SEL1L3: variants seen among roughly 807,000 people sequenced by gnomAD.
SEL1L3 encodes protein sel-1 homolog 3.
Under a neutral mutation model 142.8 loss-of-function variants are expected in SEL1L3, and 76 were observed. The ratio of observed to expected loss-of-function variants is 0.53; its 90% CI spans 0.44 to 0.64. SEL1L3 has a LOEUF of 0.64. SEL1L3 is among the 30% of genes least tolerant of loss of function. The pLI is 0.00. For synonymous variants in SEL1L3, 504 were observed against 519.6 expected (o/e 0.97, Z 0.41); for missense variants, 1,262 against 1,381.7 (o/e 0.91, Z 1.37).
intron 9 of SEL1L3, among the ~76,000 whole-genome samples, chr4:25,814,144 C>T (rs1032966834): frequency 2.0e-5 from 3 of 152,052 alleles, no homozygotes; most frequent in Non-Finnish European, 4.4e-5. Context: ...CCCATTTTCT[C>T]TTGCACCATG....
chr4:25,831,141 G>A (rs2109279588), intron 5 of SEL1L3, among the ~76,000 whole-genome samples: 1 of 152,218 alleles, frequency 6.6e-6, no homozygotes, highest in East Asian at 1.9e-4. Context: ...CCACCACTAA[G>A]TTTATCTCCT....
At chr4:25,751,562 A>G (rs1717589893) in intron 23 of SEL1L3, among the ~76,000 whole-genome samples, 1 of 152,004 alleles carries the variant, frequency 6.6e-6, no homozygotes, top group African/African-American at 2.4e-5. Flanking sequence ...AAGCAGCAAG[A>G]AAGACTGAGC....
intron 23 of SEL1L3, among the ~76,000 whole-genome samples, chr4:25,755,763 C>T (rs1487163864): frequency 6.6e-6 from 1 of 152,136 alleles, no homozygotes; most frequent in Non-Finnish European, 1.5e-5. Context: ...TTCATGGCTA[C>T]CAGCTGGCAT....
chr4:25,805,819 A>G (rs1029170774), intron 9 of SEL1L3, among the ~76,000 whole-genome samples: 2 of 152,248 alleles, frequency 1.3e-5, no homozygotes, highest in Non-Finnish European at 2.9e-5. Flanking sequence ...TACTATTTAC[A>G]TTTAACTTAA....
chr4:25,724,501 G>C, the SEL1L3 span, among the ~76,000 whole-genome samples: 32 of 151,846 alleles, frequency 2.1e-4, no homozygotes, highest in Non-Finnish European at 3.4e-4. Flanking sequence ...CAGCACTTTG[G>C]GAGGCCGAGG....
intron 19 of SEL1L3, among the ~76,000 whole-genome samples, chr4:25,766,627 C>T (rs1400212083): frequency 6.6e-6 from 1 of 152,064 alleles, no homozygotes; most frequent in East Asian, 1.9e-4. Context: ...TACTATCATC[C>T]CCAGGACTTG....
intron 11 of SEL1L3, among the ~76,000 whole-genome samples, chr4:25,794,494 G>T (rs189713571): frequency 6.6e-6 from 1 of 152,330 alleles, no homozygotes; most frequent in Admixed American, 6.5e-5. Context: ...TCTCATGCCA[G>T]GTAGATAGTG....
chr4:25,861,113 C>A (rs1028884682), intron 1 of SEL1L3, among the ~76,000 whole-genome samples: 1 of 152,182 alleles, frequency 6.6e-6, no homozygotes, highest in African/African-American at 2.4e-5. Context: ...ATGTTTCACG[C>A]AACACTCTAC....
At chr4:25,803,201 G>A (rs967562508) in intron 10 of SEL1L3, among the ~76,000 whole-genome samples, 3 of 152,218 alleles carry the variant, frequency 2.0e-5, no homozygotes, top group Non-Finnish European at 4.4e-5. Context: ...CTCACAGTTG[G>A]GAAAAGAGAG....
chr4:25,769,043 C>T (rs557640142), intron 17 of SEL1L3, among the ~76,000 whole-genome samples: 4 of 151,988 alleles, frequency 2.6e-5, no homozygotes, highest in African/African-American at 7.2e-5. Context: ...TATACGTTAC[C>T]TAGCTTAAGA....
In SEL1L3 at chr4:25,748,064, C is replaced by T. The variant is rs751337664; in HGVS notation, c.*361G>A. On this transcript the variant is annotated 3_prime_UTR_variant, in exon 24 of 24. Coordinates refer to ENST00000399878, the MANE Select transcript of SEL1L3 (RefSeq NM_015187.5). ...TGTTCTTCAATAAAGGGATGAAGCACGCACTGTGATTCTTAAGACACATCT... is the reference window on the plus strand; with the variant it reads ...TGTTCTTCAATAAAGGGATGAAGCATGCACTGTGATTCTTAAGACACATCT... 2.6e-5 allele frequency: 5 copies of T among 195,246 alleles called. No homozygotes were observed. Among genetic ancestry groups the T allele is most frequent in the Non-Finnish European group, 4.2e-5 (4 of 95,396 alleles). The allele number at this position is 195,246 out of a possible 1,614,324, so 12.1% of individuals were successfully genotyped here. A position where few individuals can be genotyped will look rare whatever the true frequency, so the allele number is the denominator to read the frequency against.
intron 11 of SEL1L3, among the ~76,000 whole-genome samples, chr4:25,797,398 G>T (rs146272876): frequency 6.6e-6 from 1 of 152,164 alleles, no homozygotes; most frequent in Non-Finnish European, 1.5e-5. Context: ...GCCTCTTAGC[G>T]TGTTTAAAAT....
At chr4:25,830,021 G>A in intron 6 of SEL1L3, 77 bp downstream of exon 6, 3 of 881,676 alleles carry the variant, frequency 3.4e-6, no homozygotes, top group Non-Finnish European at 5.6e-6. Flanking sequence ...AATAACATTA[G>A]GGCTGAGGGC....
At chr4:25,820,004 A>T in intron 7 of SEL1L3, 64 bp from the exon 8 acceptor site, 3 of 1,489,198 alleles carry the variant, frequency 2.0e-6, no homozygotes, top group Non-Finnish European at 9.2e-7. Context: ...CACCTCTAGG[A>T]GGATGTGTTT....
chr4:25,756,544 C>T (rs1303210441), intron 23 of SEL1L3: 42 of 959,492 alleles, frequency 4.4e-5, no homozygotes, highest in Non-Finnish European at 5.2e-5. Flanking sequence ...CTCATAACCT[C>T]ATTGTATTGA....
At chr4:25,724,420 C>CAAAGA in the SEL1L3 span, among the ~76,000 whole-genome samples, 1 of 149,336 alleles carries the variant, frequency 6.7e-6, no homozygotes, top group African/African-American at 2.5e-5. Context: ...GACCCTGTCT[C>CAAAGA]AAAGAAAAGA....
intron 23 of SEL1L3, among the ~76,000 whole-genome samples, chr4:25,753,049 C>T (rs866417629): frequency 6.6e-6 from 1 of 152,232 alleles, no homozygotes; most frequent in African/African-American, 2.4e-5. Context: ...TTCCTTTGCC[C>T]AAGGTCACAT....
chr4:25,818,217 T>A lies in SEL1L3; in HGVS notation c.1485A>T (p.Arg495Ser). ...TCAGCTCCTTCTCCCAGGGGAAGGCTCTGCACATCGAGGGTCTCCCATACC... is the reference window on the plus strand; with the variant it reads ...TCAGCTCCTTCTCCCAGGGGAAGGCACTGCACATCGAGGGTCTCCCATACC... ...QRRYGRPSMC[R>S]AFPWEKELKD... The change falls in exon 9 of 24, where the codon AGA (arginine) becomes AGT (serine). Residue 495 changes from arginine (R) to serine (S), a missense_variant. Physicochemically the swap from Arg to Ser is moderately radical, Grantham distance 110. Transcript: ENST00000399878. The A allele has an allele frequency of 3.1e-6, 5 of 1,604,816 alleles. No homozygotes were observed. The highest frequency in any genetic ancestry group is 4.3e-6 in the Non-Finnish European group (5 of 1,175,598).
At chr4:25,804,359 T>A (rs1713403674) in intron 10 of SEL1L3, among the ~76,000 whole-genome samples, 182 bp downstream of exon 10, 1 of 152,198 alleles carries the variant, frequency 6.6e-6, no homozygotes, top group Non-Finnish European at 1.5e-5. Context: ...GTGCCCTTTT[T>A]CACTCACTGA....
Sources: gnomAD v4.1 joint callset for allele counts (sites outside exome capture counted in the v4.1 genomes callset) on GRCh38, gnomAD v4.1.1 for gene constraint, MANE v1.5 for transcripts, NCBI Gene and HGNC (gene_info 2026-07-23, HGNC 2026-07-21) for gene names.